Variants in ELL observed in about 807,000 individuals in gnomAD.
ELL encodes the protein elongation factor for RNA polymerase II.
ELL carries 18 observed loss-of-function variants against 64.0 expected under a neutral mutation model. That is an observed-to-expected ratio of 0.28 (90% CI 0.19 to 0.42). The LOEUF is 0.42. Ranked by LOEUF, ELL falls within the 10% of genes least tolerant of loss-of-function variation. The pLI is 1.00. For synonymous variants in ELL, 399 were observed against 376.2 expected, an observed-to-expected ratio of 1.06 and a Z score of -0.70; for missense variants, 797 against 870.4, an observed-to-expected ratio of 0.92 and a Z score of 1.06.
chr19:18,475,657 G>C (rs1975159887), intron 1 of ELL, among the ~76,000 whole-genome samples: 1 of 152,186 alleles, frequency 6.6e-6, no homozygotes, highest in South Asian at 2.1e-4. Context: ...AGTGAAAGAA[G>C]GCTGCACGTC....
intron 1 of ELL, among the ~76,000 whole-genome samples, chr19:18,499,319 A>G (rs1000891667): frequency 5.3e-5 from 8 of 152,204 alleles, no homozygotes; most frequent in Non-Finnish European, 1.5e-5. Context: ...GTGTGACCTC[A>G]GTAAGACACT....
chr19:18,469,807 C>T (rs868552153), intron 2 of ELL, among the ~76,000 whole-genome samples: 10 of 152,226 alleles, frequency 6.6e-5, no homozygotes, highest in Admixed American at 4.6e-4. Flanking sequence ...TGCCAGAGTC[C>T]GTTCATCTCT....
intron 4 of ELL, among the ~76,000 whole-genome samples, chr19:18,463,108 A>G (rs558388447): frequency 6.6e-6 from 1 of 152,286 alleles, no homozygotes; most frequent in South Asian, 2.1e-4. Flanking sequence ...TCGTAACAAC[A>G]TCACTCTGAT....
Position 18,444,594 on chromosome 19 carries a change from GC to G in ELL, c.*157del. On this transcript the variant is annotated 3_prime_UTR_variant, in exon 12 of 12. Coordinates refer to ENST00000262809, the MANE Select transcript of ELL (RefSeq NM_006532.4). ...CAGGGAGGGCCGAGGTGGGCTTGCA[GC>G]CACCCGCCAGGGCCAGACGTCTGCA... is the stretch of plus-strand genomic sequence containing the variant. The G allele has an allele frequency of 1.4e-6, 1 of 739,396 alleles. No homozygotes were observed. Among genetic ancestry groups the G allele is most frequent in the Non-Finnish European group, 2.1e-6 (1 of 470,258 alleles). The allele number at this position is 739,396 out of a possible 1,614,324, so 45.8% of individuals were successfully genotyped here. A position where few individuals can be genotyped will look rare whatever the true frequency, so the allele number is the denominator to read the frequency against.
chr19:18,505,103 T>C (rs1975854929), intron 1 of ELL, among the ~76,000 whole-genome samples: 1 of 152,172 alleles, frequency 6.6e-6, no homozygotes, highest in African/African-American at 2.4e-5. Flanking sequence ...CTGAGAACGA[T>C]GGGCAACTTC....
chr19:18,466,836 C>A (rs1218271239), intron 2 of ELL, among the ~76,000 whole-genome samples: 1 of 152,212 alleles, frequency 6.6e-6, no homozygotes, highest in Admixed American at 6.5e-5. Flanking sequence ...CAGGTCTTGT[C>A]CCCTGGCTGC....
intron 1 of ELL, among the ~76,000 whole-genome samples, chr19:18,519,029 C>G (rs1976194687): frequency 6.6e-6 from 1 of 151,868 alleles, no homozygotes. Context: ...CTTTCTAGCC[C>G]CTGCCACACC....
intron 6 of ELL, among the ~76,000 whole-genome samples, chr19:18,457,453 A>C (rs1974705500): frequency 1.3e-5 from 2 of 152,226 alleles, no homozygotes. Flanking sequence ...ACAGGCAGGC[A>C]CTACCCTCTC....
rs375530755 is a variant in ELL, at chr19:18,447,375, T to C, written c.1466-561A>G. 1.2e-3 allele frequency among the ~76,000 whole-genome samples: 187 copies of C among 152,358 alleles called. 1 individual carries two copies. The South Asian group carries it at 0.037, about 30-fold the overall frequency. On this transcript the variant is annotated intron_variant, in intron 8 of 11. Coordinates refer to ENST00000262809, the MANE Select transcript of ELL (RefSeq NM_006532.4). ...GCCCTTGGTCTGTGCCCCACCCAGA[T>C]CATCCCGTCCTTTCCACTAGACACT...
intron 10 of ELL, among the ~76,000 whole-genome samples, chr19:18,445,786 ACT>A (rs1395573750): frequency 2.6e-5 from 4 of 151,682 alleles, no homozygotes; most frequent in South Asian, 2.1e-4. Flanking sequence ...AAGGGTGGAG[ACT>A]CTCTGTATAC....
At chr19:18,476,899 G>A (rs563013712) in intron 1 of ELL, among the ~76,000 whole-genome samples, 25 of 152,304 alleles carry the variant, frequency 1.6e-4, no homozygotes, top group African/African-American at 5.3e-4. Context: ...GCTAACTCCC[G>A]TCTAAATCAT....
intron 1 of ELL, among the ~76,000 whole-genome samples, chr19:18,518,237 C>T (rs570630452): frequency 9.2e-5 from 14 of 152,212 alleles, no homozygotes; most frequent in African/African-American, 3.4e-4. Context: ...CGATGGCTCA[C>T]TCTTGTAATT....
At chr19:18,453,223 G>C (rs34718549) in intron 6 of ELL, among the ~76,000 whole-genome samples, 1 of 152,232 alleles carries the variant, frequency 6.6e-6, no homozygotes, top group Non-Finnish European at 1.5e-5. Context: ...GCAGTGAGCA[G>C]AGATCATGCC....
At position 18,521,998 on chromosome 19, in the gene ELL, C is replaced by A. The variant is rs373066896; in HGVS notation, c.58G>T (p.Gly20Cys). ...YGLSCGRVSD[G>C]SKVSVFHVKL... ...ACGTGGAACACCGACACCTTGCTGC[C>A]GTCGCTAACCCGCCCGCACGACAGC... The change falls in exon 1 of 12, where the codon GGC (glycine) becomes TGC (cysteine). Residue 20 changes from glycine to cysteine, a missense_variant. Gly to Cys is a radical substitution (Grantham distance 159). Coordinates refer to ENST00000262809, the MANE Select transcript of ELL (RefSeq NM_006532.4). The A allele has an allele frequency of 2.0e-5, 32 of 1,611,296 alleles. No homozygotes were observed. The African/African-American group carries it at 3.5e-4, about 18-fold the overall frequency.
chr19:18,476,165 G>T (rs1975170702), intron 1 of ELL, among the ~76,000 whole-genome samples: 1 of 152,174 alleles, frequency 6.6e-6, no homozygotes, highest in Admixed American at 6.5e-5. Flanking sequence ...GAGCAGCAGG[G>T]GACTGGAGCA....
intron 1 of ELL, among the ~76,000 whole-genome samples, chr19:18,508,687 A>G (rs1975935996): frequency 6.6e-6 from 1 of 152,252 alleles, no homozygotes; most frequent in Non-Finnish European, 1.5e-5. Context: ...TTCTTTTATG[A>G]AGGGCCAAAG....
At chr19:18,465,650 C>A in intron 3 of ELL, 75 bp from the exon 4 acceptor site, 1 of 1,480,232 alleles carries the variant, frequency 6.8e-7, no homozygotes, top group East Asian at 2.5e-5. Context: ...CCCAAGCCCC[C>A]AGCCCACCAC....
chr19:18,500,344 G>A (rs1382143483), intron 1 of ELL, among the ~76,000 whole-genome samples: 1 of 152,036 alleles, frequency 6.6e-6, no homozygotes, highest in African/African-American at 2.4e-5. Context: ...GTGACCATGA[G>A]GCTTCCTGTG....
At chr19:18,488,924 T>G (rs558013510) in intron 1 of ELL, among the ~76,000 whole-genome samples, 6 of 152,220 alleles carry the variant, frequency 3.9e-5, no homozygotes, top group Non-Finnish European at 8.8e-5. Context: ...GCGCAGGTCA[T>G]GCGTCCTGGA....
Sources: allele counts gnomAD v4.1 joint callset (sites outside exome capture counted in the v4.1 genomes callset), GRCh38; gene constraint gnomAD v4.1.1; transcripts MANE v1.5; gene names NCBI Gene and HGNC (gene_info 2026-07-23, HGNC 2026-07-21).